Variants in EPHA6 observed in about 807,000 individuals in gnomAD.
EPHA6 encodes the protein ephrin type-A receptor 6.
In EPHA6, 50 loss-of-function variants were observed where a neutral mutation model predicts 112.0. The ratio of observed to expected loss-of-function variants is 0.45; its 90% CI spans 0.36 to 0.56. The LOEUF is 0.56. Among genes scored for constraint, EPHA6 ranks in the 20% least tolerant of loss-of-function variants. The pLI is 0.00. For missense variants in EPHA6, 1,280 were observed against 1,417.4 expected, an observed-to-expected ratio of 0.90 and a Z score of 1.56; for synonymous variants, 529 against 490.7, an observed-to-expected ratio of 1.08 and a Z score of -1.03.
Position 97,212,988 on chromosome 3 carries a change from C to T in EPHA6, c.1115-13276C>T, listed in dbSNP as rs76849815. 4.7e-3 allele frequency among the ~76,000 whole-genome samples: 715 copies of T among 152,166 alleles called. 9 individuals are homozygous for T. Among genetic ancestry groups the T allele is most frequent in the African/African-American group, 0.016 (657 of 41,530 alleles). ...TCTACATAACCAGAAGTTTAAAAAC[C>T]GGACTGCTTGTCTGATACCTGGGTG... On this transcript the variant is annotated intron_variant, in intron 3 of 17. Transcript: ENST00000389672.
intron 14 of EPHA6, among the ~76,000 whole-genome samples, chr3:97,693,228 A>G (rs2032788134): frequency 6.6e-6 from 1 of 152,208 alleles, no homozygotes; most frequent in African/African-American, 2.4e-5. Flanking sequence ...CATTTAAATT[A>G]GGCAACCAGG....
intron 2 of EPHA6, among the ~76,000 whole-genome samples, chr3:96,928,334 T>G (rs1459929038): frequency 6.6e-6 from 1 of 152,220 alleles, no homozygotes; most frequent in African/African-American, 2.4e-5. Flanking sequence ...CTGTTTGTTA[T>G]CATTAGTTTC....
intron 3 of EPHA6, among the ~76,000 whole-genome samples, chr3:97,176,730 A>G (rs1039168211): frequency 4.6e-5 from 7 of 151,868 alleles, no homozygotes; most frequent in Admixed American, 2.6e-4. Flanking sequence ...TTGCAGTATT[A>G]GTTGTAATGT....
intron 10 of EPHA6, among the ~76,000 whole-genome samples, chr3:97,531,688 T>A (rs959447592): frequency 6.6e-6 from 1 of 152,100 alleles, no homozygotes; most frequent in African/African-American, 2.4e-5. Flanking sequence ...TCTTTGAAAC[T>A]CACAACATTC....
chr3:97,413,037 G>A (rs1194073056), intron 6 of EPHA6, among the ~76,000 whole-genome samples: 1 of 151,412 alleles, frequency 6.6e-6, no homozygotes. Context: ...GCCTTCTGGG[G>A]AGTAACAAGG....
At position 97,749,240 on chromosome 3, in the gene EPHA6, ATGACCAG is replaced by A. The variant is rs1193834807; in HGVS notation, c.*543_*549del. On this transcript the variant is annotated 3_prime_UTR_variant, in exon 18 of 18. Transcript: ENST00000389672. ...GATATTGTTAGAATTATTTGCAGAAATGACCAGTGATATCATGTAATGAATTTTTGTG... is the reference window on the plus strand; with the variant it reads ...GATATTGTTAGAATTATTTGCAGAAATGATATCATGTAATGAATTTTTGTG... 1.4e-5 allele frequency: 3 copies of A among 217,698 alleles called. No individual in the cohort carries two copies. Among genetic ancestry groups the A allele is most frequent in the Non-Finnish European group, 2.8e-5 (3 of 108,396 alleles). 13.5% of individuals were successfully genotyped at this position (217,698 alleles called of 1,614,324 possible).
At chr3:96,933,462 A>G (rs980419757) in intron 2 of EPHA6, among the ~76,000 whole-genome samples, 1 of 152,192 alleles carries the variant, frequency 6.6e-6, no homozygotes, top group African/African-American at 2.4e-5. Flanking sequence ...TTTGGAATGT[A>G]GACTTTGACA....
chr3:97,629,825 C>T (rs1161896788), intron 13 of EPHA6, among the ~76,000 whole-genome samples: 2 of 152,068 alleles, frequency 1.3e-5, no homozygotes, highest in South Asian at 2.1e-4. Flanking sequence ...AAAAACTTCC[C>T]TGGATTATTC....
At chr3:97,127,328 C>G (rs1436118776) in intron 3 of EPHA6, among the ~76,000 whole-genome samples, 1 of 152,098 alleles carries the variant, frequency 6.6e-6, no homozygotes, top group Non-Finnish European at 1.5e-5. Flanking sequence ...ATAGGGTGGG[C>G]ACCTCTCAAA....
In EPHA6 at chr3:97,093,740, C is replaced by T. The variant is rs2047147455; in HGVS notation, c.1114+105747C>T. ...GTATAAGTGGAATGATGACTTCCTT[C>T]TCCGTCTCTTTAGGGTGATGTAATA... On this transcript the variant is annotated intron_variant, in intron 3 of 17. Transcript: ENST00000389672. Among the ~76,000 whole-genome samples the T allele has an allele frequency of 2.6e-5, 4 of 152,150 alleles. 1 individual carries two copies. Among genetic ancestry groups the T allele is most frequent in the Middle Eastern group, 6.8e-3 (2 of 294 alleles).
At chr3:97,737,787 T>G (rs1364153514) in intron 16 of EPHA6, among the ~76,000 whole-genome samples, 1 of 152,036 alleles carries the variant, frequency 6.6e-6, no homozygotes, top group Non-Finnish European at 1.5e-5. Flanking sequence ...GTAGTTAAGA[T>G]AGCCCACAGA....
At chr3:97,638,837 C>A (rs534470160) in intron 14 of EPHA6, among the ~76,000 whole-genome samples, 1 of 152,122 alleles carries the variant, frequency 6.6e-6, no homozygotes, top group South Asian at 2.1e-4. Context: ...TCACCACTAA[C>A]TCATTTGGCA....
At chr3:97,690,420 C>A (rs556882246) in intron 14 of EPHA6, among the ~76,000 whole-genome samples, 2 of 150,180 alleles carry the variant, frequency 1.3e-5, no homozygotes, top group Non-Finnish European at 3.0e-5. Flanking sequence ...ATTATATGTG[C>A]TTATTAGCCA....
chr3:97,541,728 T>G (rs573002306), intron 11 of EPHA6, among the ~76,000 whole-genome samples: 2,298 of 64,734 alleles, frequency 0.035, 57 homozygotes, highest in African/African-American at 0.24. Context: ...CTTTTTTTTG[T>G]TTTTTTTTTT....
intron 10 of EPHA6, among the ~76,000 whole-genome samples, chr3:97,517,000 A>G (rs570436086): frequency 6.6e-6 from 1 of 152,262 alleles, no homozygotes; most frequent in East Asian, 1.9e-4. Flanking sequence ...CATTCAAGGC[A>G]GAACAAACCA....
intron 7 of EPHA6, among the ~76,000 whole-genome samples, chr3:97,474,152 T>C (rs2091304794): frequency 6.6e-6 from 1 of 151,880 alleles, no homozygotes; most frequent in South Asian, 2.1e-4. Context: ...GCACATAATA[T>C]ACTGCATACT....
At chr3:97,479,890 A>G (rs923952713) in intron 9 of EPHA6, among the ~76,000 whole-genome samples, 2 of 152,172 alleles carry the variant, frequency 1.3e-5, no homozygotes, top group African/African-American at 4.8e-5. Context: ...ACCTATAATT[A>G]CCACTATAGC....
chr3:96,903,374 C>T (rs1042863873), intron 2 of EPHA6, among the ~76,000 whole-genome samples: 5 of 152,110 alleles, frequency 3.3e-5, no homozygotes, highest in African/African-American at 1.2e-4. Context: ...ATTTTGTCTA[C>T]AGATCAGGGT....
Position 97,529,350 on chromosome 3 carries a change from T to C in EPHA6, c.2201-3008T>C, listed in dbSNP as rs530306297. Among the ~76,000 whole-genome samples the C allele has an allele frequency of 2.0e-5, 3 of 152,128 alleles. No individual in the cohort carries two copies. The South Asian group carries it at 6.2e-4, about 32-fold the overall frequency. Reference sequence around the variant, plus strand: ...CAAAGGTTTACTGGGAAGAATAAAATATATAGTAATTTCTTAGACCTGACA... The same window carrying C: ...CAAAGGTTTACTGGGAAGAATAAAACATATAGTAATTTCTTAGACCTGACA... On this transcript the variant is annotated intron_variant, in intron 10 of 17. Coordinates refer to ENST00000389672, the MANE Select transcript of EPHA6 (RefSeq NM_001080448.3).
Sources: allele counts gnomAD v4.1 joint callset (sites outside exome capture counted in the v4.1 genomes callset), GRCh38; gene constraint gnomAD v4.1.1; transcripts MANE v1.5; gene names NCBI Gene and HGNC (gene_info 2026-07-23, HGNC 2026-07-21).